The following GSE1 variants were observed in gnomAD, a reference collection of about 807,000 sequenced individuals.
The protein encoded by GSE1 is Gse1 coiled-coil protein, also known as genetic suppressor element 1.
Under a neutral mutation model 112.6 loss-of-function variants are expected in GSE1, and 32 were observed. The observed-to-expected ratio is 0.28, with a 90% CI of 0.21 to 0.38. The LOEUF is 0.38. Among genes scored for constraint, GSE1 ranks in the 10% least tolerant of loss-of-function variants. The probability of loss-of-function intolerance (pLI) is 1.00; values close to 1 mark genes in which losing one functional copy is unlikely to be tolerated. For missense variants in GSE1, 2,348 were observed against 1,699.2 expected, an observed-to-expected ratio of 1.38 and a Z score of -6.71; for synonymous variants, 1,115 against 735.6, an observed-to-expected ratio of 1.52 and a Z score of -8.35.
At chr16:85,336,103 T>TA (rs2046478006) in intron 1 of GSE1, among the ~76,000 whole-genome samples, 2 of 152,000 alleles carry the variant, frequency 1.3e-5, no homozygotes, top group Non-Finnish European at 2.9e-5. Context: ...CAGGCCAGGG[T>TA]CCTCCTGGAA....
intron 3 of GSE1, among the ~76,000 whole-genome samples, chr16:85,652,552 G>A (rs1160502762): frequency 2.0e-5 from 3 of 151,768 alleles, no homozygotes; most frequent in Non-Finnish European, 4.4e-5. Context: ...TCCAGGCGGC[G>A]GCGGCGGCGG....
intron 1 of GSE1, among the ~76,000 whole-genome samples, chr16:85,218,611 G>A (rs1362401359): frequency 6.6e-6 from 1 of 152,164 alleles, no homozygotes; most frequent in Non-Finnish European, 1.5e-5. Flanking sequence ...CTGCCTCTAG[G>A]CCTCACTTTC....
chr16:85,574,623 G>A (rs755505533), intron 1 of GSE1, among the ~76,000 whole-genome samples: 4 of 152,218 alleles, frequency 2.6e-5, no homozygotes, highest in African/African-American at 7.2e-5. Context: ...CTCTCCGCCC[G>A]GCCTCCAGAG....
intron 1 of GSE1, among the ~76,000 whole-genome samples, chr16:85,260,873 G>A (rs570603722): frequency 1.3e-5 from 2 of 152,376 alleles, no homozygotes; most frequent in South Asian, 4.1e-4. Flanking sequence ...GGGAGTCCAT[G>A]GGTGGCCTCT....
At chr16:85,619,152 C>T (rs2048565132) in intron 1 of GSE1, among the ~76,000 whole-genome samples, 1 of 152,214 alleles carries the variant, frequency 6.6e-6, no homozygotes, top group Non-Finnish European at 1.5e-5. Flanking sequence ...TTTTAGGAGC[C>T]TCAACGTCCC....
At chr16:85,613,558 G>A (rs1451374689) in intron 1 of GSE1, among the ~76,000 whole-genome samples, 160 bp downstream of exon 1, 1 of 151,002 alleles carries the variant, frequency 6.6e-6, no homozygotes, top group Admixed American at 6.6e-5. Flanking sequence ...GCGGGCAGGC[G>A]ACCAAAGGCC....
chr16:85,420,091 G>C (rs1036903835), intron 2 of GSE1, among the ~76,000 whole-genome samples: 7 of 139,536 alleles, frequency 5.0e-5, no homozygotes, highest in African/African-American at 1.8e-4. Context: ...CAGACACTGA[G>C]CAGTGTGCTC....
intron 2 of GSE1, among the ~76,000 whole-genome samples, chr16:85,464,542 G>A (rs967798938): frequency 2.0e-5 from 3 of 152,228 alleles, no homozygotes; most frequent in Non-Finnish European, 4.4e-5. Context: ...GTGTGACCTT[G>A]GCCTGGTCAT....
chr16:85,461,450 A>G (rs932880439), intron 2 of GSE1, among the ~76,000 whole-genome samples: 5 of 151,666 alleles, frequency 3.3e-5, no homozygotes, highest in South Asian at 2.1e-4. Context: ...GAAACTACCA[A>G]TGGCTGGGTC....
chr16:85,466,332 A>T (rs901353957), intron 2 of GSE1, among the ~76,000 whole-genome samples: 5 of 152,112 alleles, frequency 3.3e-5, no homozygotes, highest in Non-Finnish European at 7.4e-5. Flanking sequence ...CTCCCCAAGG[A>T]GGAGTGGCCC....
At chr16:85,337,285 ACTTTTTTTTTT>A (rs2046512365) in intron 1 of GSE1, among the ~76,000 whole-genome samples, 1 of 142,248 alleles carries the variant, frequency 7.0e-6, no homozygotes, top group South Asian at 2.2e-4. Context: ...TGGGCTCAGG[ACTTTTTTTTTT>A]CTTTTCTTTT....
intron 2 of GSE1, among the ~76,000 whole-genome samples, chr16:85,501,499 C>T (rs1208394247): frequency 6.6e-6 from 1 of 150,610 alleles, no homozygotes; most frequent in Non-Finnish European, 1.5e-5. Flanking sequence ...TTCAAGCGAT[C>T]TCCCGCCTCA....
chr16:85,562,695 C>T (rs2045576150), intron 1 of GSE1, among the ~76,000 whole-genome samples: 1 of 152,234 alleles, frequency 6.6e-6, no homozygotes, highest in Admixed American at 6.5e-5. Context: ...GTCGCTTGCC[C>T]ATCTTCCTCC....
At chr16:85,336,270 C>G (rs1040721775) in intron 1 of GSE1, among the ~76,000 whole-genome samples, 1 of 152,164 alleles carries the variant, frequency 6.6e-6, no homozygotes, top group Non-Finnish European at 1.5e-5. Flanking sequence ...GATTTTTGAG[C>G]CTTTGTTCGT....
intron 1 of GSE1, among the ~76,000 whole-genome samples, chr16:85,329,210 G>A (rs1359924254): frequency 2.0e-5 from 3 of 152,214 alleles, no homozygotes; most frequent in Admixed American, 2.0e-4. Context: ...AGCTAGCCAA[G>A]GCCTGAGCTT....
chr16:85,446,009 G>A (rs1263167762), intron 2 of GSE1, among the ~76,000 whole-genome samples: 2 of 152,236 alleles, frequency 1.3e-5, no homozygotes, highest in Non-Finnish European at 1.5e-5. Context: ...ACGGCTGTGC[G>A]TGTAGCATTT....
chr16:85,471,737 TCTCG>T (rs2050302409), intron 2 of GSE1, among the ~76,000 whole-genome samples: 1 of 151,964 alleles, frequency 6.6e-6, no homozygotes, highest in Non-Finnish European at 1.5e-5. Flanking sequence ...TTTTCGATGA[TCTCG>T]CTCTGTTGCC....
chr16:85,509,636 G>C (rs1172635207), intron 2 of GSE1, among the ~76,000 whole-genome samples: 1 of 152,252 alleles, frequency 6.6e-6, no homozygotes, highest in Non-Finnish European at 1.5e-5. Context: ...CTCCATCTGA[G>C]GATGTATGCT....
chr16:85,377,724 C>G (rs567554282), intron 2 of GSE1, among the ~76,000 whole-genome samples: 2 of 152,238 alleles, frequency 1.3e-5, no homozygotes, highest in African/African-American at 4.8e-5. Context: ...CCGGGAGTGG[C>G]CGGCACCAGG....
Sources: allele counts gnomAD v4.1 joint callset (sites outside exome capture counted in the v4.1 genomes callset), GRCh38; gene constraint gnomAD v4.1.1; transcripts MANE v1.5; gene names NCBI Gene and HGNC (gene_info 2026-07-23, HGNC 2026-07-21).